Variants in ABHD13 observed in about 807,000 individuals in gnomAD.
The protein encoded by ABHD13 is protein ABHD13.
In ABHD13, 7 loss-of-function variants were observed where a neutral mutation model predicts 25.2. That is an observed-to-expected ratio of 0.28 (90% confidence interval 0.16 to 0.52). ABHD13 has a LOEUF of 0.52. Ranked by LOEUF, ABHD13 falls within the 20% of genes least tolerant of loss-of-function variation. The pLI is 0.96. For synonymous variants in ABHD13, 133 were observed against 136.1 expected (o/e 0.98, Z 0.16); for missense variants, 302 against 402.7 (o/e 0.75, Z 2.14).
rs544398899 is a variant in ABHD13, at chr13:108,229,142, AT to A, written c.-20-52del. On this transcript the variant is annotated intron_variant, in intron 1 of 1. Coordinates refer to ENST00000375898, the MANE Select transcript of ABHD13 (RefSeq NM_032859.3). This position sits in a 1 kb window ranked among gnomAD's most constrained non-coding sequence, Gnocchi z 4.7. ...AGTACCATAGTTTATTATATTGTGG[AT>A]TTTTAAAAGAATAGATAGACGTTGA... The A allele has an allele frequency of 3.7e-6, 5 of 1,354,502 alleles. No homozygotes were observed. In the South Asian group the frequency reaches 6.0e-5, roughly 16 times the overall value. 83.9% of individuals were successfully genotyped at this position (1,354,502 alleles called of 1,614,324 possible).
chr13:108,233,751 C>T lies in ABHD13; in HGVS notation c.*3519C>T, dbSNP rs987887986. 3 of 166,534 alleles carry T rather than the reference C, an allele frequency of 1.8e-5. No homozygotes were observed. The highest frequency in any genetic ancestry group is 7.3e-5 in the African/African-American group (3 of 41,334). 10.3% of individuals were successfully genotyped at this position (166,534 alleles called of 1,614,324 possible). ...TTTAGCAAATTGGAAATAATATATTCATTTGTATGGCAAGATAAATGCAGT... is the reference window on the plus strand; with the variant it reads ...TTTAGCAAATTGGAAATAATATATTTATTTGTATGGCAAGATAAATGCAGT... On this transcript the variant is annotated 3_prime_UTR_variant, in exon 2 of 2. Transcript: ENST00000375898.
rs1879787960 is a variant in ABHD13, at chr13:108,230,845, A to C, written c.*613A>C. On this transcript the variant is annotated 3_prime_UTR_variant, in exon 2 of 2. Coordinates refer to ENST00000375898, the MANE Select transcript of ABHD13 (RefSeq NM_032859.3). ...GAGACTTATGTGCAGGTTGCCATTG[A>C]ATTTTGCTCTGGTGAATGCTGAGAT... 1 of 166,798 alleles carries C rather than the reference A, an allele frequency of 6.0e-6. No homozygotes were observed. The highest frequency in any genetic ancestry group is 2.1e-4 in the South Asian group (1 of 4,828). The allele number at this position is 166,798 out of a possible 1,614,324, so 10.3% of individuals were successfully genotyped here.
intron 1 of ABHD13, among the ~76,000 whole-genome samples, chr13:108,227,991 A>G (rs1357094657): frequency 6.6e-6 from 1 of 151,996 alleles, no homozygotes; most frequent in East Asian, 1.9e-4. Flanking sequence ...AAATCATCCA[A>G]CTCATTATTT....
Position 108,233,176 on chromosome 13 carries a change from C to T in ABHD13, c.*2944C>T, listed in dbSNP as rs1005850344. The T allele has an allele frequency of 3.0e-5, 5 of 166,756 alleles. No individual in the cohort carries two copies. Among genetic ancestry groups the T allele is most frequent in the African/African-American group, 1.2e-4 (5 of 41,416 alleles). 10.3% of individuals were successfully genotyped at this position (166,756 alleles called of 1,614,324 possible). A position where few individuals can be genotyped will look rare whatever the true frequency, so the allele number is the denominator to read the frequency against. On this transcript the variant is annotated 3_prime_UTR_variant, in exon 2 of 2. Coordinates refer to ENST00000375898, the MANE Select transcript of ABHD13 (RefSeq NM_032859.3). ...CACTTGATATTTACATAGATTACAG[C>T]TTTGGTAATATGTCACTGGAGTAAT...
rs36025260 is a variant in ABHD13, at chr13:108,221,842, C to CT, written c.-21+3197dup. Among the ~76,000 whole-genome samples, 827 of 144,840 alleles carry CT rather than the reference C, an allele frequency of 5.7e-3. 2 individuals carry two copies. Among genetic ancestry groups the CT allele is most frequent in the African/African-American group, 0.013 (505 of 39,724 alleles). On this transcript the variant is annotated intron_variant, in intron 1 of 1. Transcript: ENST00000375898. ...TATACAATATGCAAAACAATGTACA[C>CT]TTTTTTTTTTTTTTGAGACATAGTC...
chr13:108,220,518 A>C (rs946515835), intron 1 of ABHD13, among the ~76,000 whole-genome samples: 6 of 152,228 alleles, frequency 3.9e-5, no homozygotes, highest in Non-Finnish European at 8.8e-5. Context: ...GGAAAGTCTT[A>C]AGACCTTTAA....
Position 108,229,553 on chromosome 13 carries a change from C to T in ABHD13, c.335C>T (p.Pro112Leu). The change falls in exon 2 of 2, where the codon CCC (proline) becomes CTC (leucine). Residue 112 changes from proline to leucine, a missense_variant. Transcript: ENST00000375898. The surrounding 1 kb of genome is among the most constrained non-coding windows in gnomAD (Gnocchi z 4.7). ...ATACGATACACTGGAGACAATTCAC[C>T]CTATTCCCCAACTATAATTTATTTT... Reference protein sequence around the residue: ...ILIRYTGDNSPYSPTIIYFHG... With the variant: ...ILIRYTGDNSLYSPTIIYFHG... The T allele has an allele frequency of 2.5e-6, 4 of 1,613,300 alleles. No individual in the cohort carries two copies. The highest frequency in any genetic ancestry group is 1.1e-5 in the South Asian group (1 of 91,048).
chr13:108,228,741 T>A (rs11619378), intron 1 of ABHD13, among the ~76,000 whole-genome samples: 2 of 151,622 alleles, frequency 1.3e-5, no homozygotes, highest in Non-Finnish European at 2.9e-5. Context: ...CAGTTTGCCC[T>A]GGACATACGT....
chr13:108,219,941 C>A (rs1337431764), intron 1 of ABHD13, among the ~76,000 whole-genome samples: 15 of 152,194 alleles, frequency 9.9e-5, no homozygotes. Context: ...ATTATTTGAT[C>A]TAGGACTAAT....
rs983930168 is a variant in ABHD13, at chr13:108,232,904, AGAAAG to A, written c.*2678_*2682del. 1.4e-4 allele frequency: 24 copies of A among 166,934 alleles called. No individual in the cohort carries two copies. Among genetic ancestry groups the A allele is most frequent in the African/African-American group, 2.4e-4 (10 of 41,454 alleles). 10.3% of individuals were successfully genotyped at this position (166,934 alleles called of 1,614,324 possible). A position where few individuals can be genotyped will look rare whatever the true frequency, so the allele number is the denominator to read the frequency against. On this transcript the variant is annotated 3_prime_UTR_variant, in exon 2 of 2. Coordinates refer to ENST00000375898, the MANE Select transcript of ABHD13 (RefSeq NM_032859.3). ...GAATACTAGTAGGATAGAAACAACT[AGAAAG>A]GAAAGTGTGACACAGTTTTTAAATT... is the stretch of plus-strand genomic sequence containing the variant.
chr13:108,233,983 AGTT>A lies in ABHD13; in HGVS notation c.*3755_*3757del, dbSNP rs1056393289. The A allele has an allele frequency of 1.2e-5, 2 of 166,820 alleles. No homozygotes were observed. Among genetic ancestry groups the A allele is most frequent in the African/African-American group, 4.8e-5 (2 of 41,416 alleles). 10.3% of individuals were successfully genotyped at this position (166,820 alleles called of 1,614,324 possible). On this transcript the variant is annotated 3_prime_UTR_variant, in exon 2 of 2. Transcript: ENST00000375898. ...CAGTACAGCGTATATGGAAAATTCA[AGTT>A]GTTTTTAACATATTCAAGTATGTTC...
chr13:108,229,444 C>G lies in ABHD13; in HGVS notation c.226C>G (p.Leu76Val), dbSNP rs749374616. 2 of 1,613,382 alleles carry G rather than the reference C, an allele frequency of 1.2e-6. No homozygotes were observed. Among genetic ancestry groups the G allele is most frequent in the Admixed American group, 3.3e-5 (2 of 59,946 alleles). Residue 76 changes from leucine (L) to valine (V), a missense_variant, in exon 2 of 2, where the codon CTT becomes GTT. Physicochemically the swap from Leu to Val is conservative, Grantham distance 32. Transcript: ENST00000375898. The surrounding 1 kb of genome is among the most constrained non-coding windows in gnomAD (Gnocchi z 4.7). ...TCCAGAACAGCCATCCTCTTCACGT[C>G]TTTATGTTCCCATGCCCACTGGCAT... ...YFPEQPSSSRLYVPMPTGIPH... is the reference protein window; with the variant it reads ...YFPEQPSSSRVYVPMPTGIPH...
intron 1 of ABHD13, among the ~76,000 whole-genome samples, chr13:108,219,907 C>T (rs944838361): frequency 1.3e-5 from 2 of 152,082 alleles, no homozygotes; most frequent in African/African-American, 2.4e-5. Context: ...TGTTCAGATA[C>T]GGTACCTCTA....
Position 108,230,394 on chromosome 13 carries a change from G to A in ABHD13, c.*162G>A. 1 of 597,804 alleles carries A rather than the reference G, an allele frequency of 1.7e-6. No homozygotes were observed. Among genetic ancestry groups the A allele is most frequent in the East Asian group, 3.0e-5 (1 of 32,820 alleles). 37.0% of individuals were successfully genotyped at this position (597,804 alleles called of 1,614,324 possible). A position where few individuals can be genotyped will look rare whatever the true frequency, so the allele number is the denominator to read the frequency against. ...GATATTCCAAATAGTTTTTTACATT[G>A]GAAAAACTAATTCTTGGGATTCTTT... is the stretch of plus-strand genomic sequence containing the variant. On this transcript the variant is annotated 3_prime_UTR_variant, in exon 2 of 2. Transcript: ENST00000375898.
In ABHD13 at chr13:108,231,811, A is replaced by G. The variant is rs1038114697; in HGVS notation, c.*1579A>G. The G allele has an allele frequency of 6.0e-6, 1 of 166,780 alleles. No individual in the cohort carries two copies. Among genetic ancestry groups the G allele is most frequent in the Non-Finnish European group, 1.5e-5 (1 of 67,916 alleles). The allele number at this position is 166,780 out of a possible 1,614,324, so 10.3% of individuals were successfully genotyped here. On this transcript the variant is annotated 3_prime_UTR_variant, in exon 2 of 2. Transcript: ENST00000375898. ...CTTTTGCCAAATAGCATTCTTATTC[A>G]CTTTATGCCGGTATTTAGAAAAAAT...
intron 1 of ABHD13, among the ~76,000 whole-genome samples, chr13:108,227,728 A>G (rs1393503624): frequency 1.3e-5 from 2 of 152,052 alleles, no homozygotes; most frequent in African/African-American, 4.8e-5. Flanking sequence ...GATACTAATG[A>G]CCAGCCTCAT....
chr13:108,219,765 A>G (rs1015408793), intron 1 of ABHD13, among the ~76,000 whole-genome samples: 9 of 152,166 alleles, frequency 5.9e-5, no homozygotes, highest in African/African-American at 2.2e-4. Flanking sequence ...TCTGCCACGT[A>G]AGTTTGCACA....
intron 1 of ABHD13, among the ~76,000 whole-genome samples, chr13:108,224,422 C>T (rs1879632261): frequency 6.6e-6 from 1 of 152,176 alleles, no homozygotes; most frequent in Non-Finnish European, 1.5e-5. Context: ...CCCTGGGAGC[C>T]TGCAGTGATA....
At chr13:108,219,136 T>C (rs1222735714) in intron 1 of ABHD13, among the ~76,000 whole-genome samples, 2 of 151,756 alleles carry the variant, frequency 1.3e-5, no homozygotes, top group Non-Finnish European at 2.9e-5. Context: ...AGCTACTAGG[T>C]TGGAGAGAGG....
Sources: allele counts gnomAD v4.1 joint callset (sites outside exome capture counted in the v4.1 genomes callset), GRCh38; gene constraint gnomAD v4.1.1; non-coding constraint Gnocchi (gnomAD v3.1); transcripts MANE v1.5; gene names NCBI Gene and HGNC (gene_info 2026-07-23, HGNC 2026-07-21).